QTMAN: variants seen among roughly 807,000 people sequenced by gnomAD.
QTMAN encodes the protein queuosine-tRNA mannosyltransferase.
chr2:144,270,930 AG>A, the QTMAN span, among the ~76,000 whole-genome samples: 1 of 152,218 alleles, frequency 6.6e-6, no homozygotes, highest in Non-Finnish European at 1.5e-5. Context: ...TAGGAAAGAG[AG>A]GTTTAAATAA....
the QTMAN span, among the ~76,000 whole-genome samples, chr2:144,325,496 T>C: frequency 1.3e-5 from 2 of 149,300 alleles, no homozygotes; most frequent in Non-Finnish European, 3.0e-5. Context: ...AGCTAACAGA[T>C]ATATAGAAAA....
At chr2:144,126,285 TAAA>T in the QTMAN span, among the ~76,000 whole-genome samples, 23 of 144,706 alleles carry the variant, frequency 1.6e-4, no homozygotes, top group Non-Finnish European at 2.6e-4. Flanking sequence ...CTTGTGAACT[TAAA>T]AAAAAAAACA....
At chr2:144,187,919 A>C in the QTMAN span, among the ~76,000 whole-genome samples, 4 of 152,182 alleles carry the variant, frequency 2.6e-5, no homozygotes, top group African/African-American at 7.2e-5. Context: ...TTTTCCTTAT[A>C]AAAAAGGACA....
the QTMAN span, among the ~76,000 whole-genome samples, chr2:144,097,240 G>A: frequency 5.9e-5 from 9 of 152,192 alleles, no homozygotes; most frequent in African/African-American, 1.9e-4. Context: ...CATTTACTTC[G>A]AATTCCAATA....
the QTMAN span, among the ~76,000 whole-genome samples, chr2:143,968,898 C>G: frequency 2.0e-5 from 3 of 152,130 alleles, no homozygotes; most frequent in Non-Finnish European, 4.4e-5. Flanking sequence ...TACTGTGATT[C>G]TGTCTACATA....
the QTMAN span, among the ~76,000 whole-genome samples, chr2:144,135,149 GTC>G: frequency 6.6e-6 from 1 of 152,154 alleles, no homozygotes; most frequent in African/African-American, 2.4e-5. Context: ...TTTGCTGTAA[GTC>G]TATAACACAT....
chr2:144,007,100 A>G, the QTMAN span: 65,522 of 849,530 alleles, frequency 0.077, 3,900 homozygotes, highest in East Asian at 0.26. Context: ...AATAAGAAGA[A>G]CAAATTATTA....
At chr2:144,054,404 CG>C in the QTMAN span, among the ~76,000 whole-genome samples, 3 of 152,048 alleles carry the variant, frequency 2.0e-5, no homozygotes, top group South Asian at 6.2e-4. Flanking sequence ...AGATACCTTG[CG>C]GATCATTTAG....
At chr2:144,273,995 G>T in the QTMAN span, among the ~76,000 whole-genome samples, 3 of 152,152 alleles carry the variant, frequency 2.0e-5, no homozygotes, top group Non-Finnish European at 4.4e-5. Flanking sequence ...TGAGCTGGGC[G>T]TGATGGCACG....
the QTMAN span, chr2:144,006,933 C>G: frequency 2.8e-6 from 1 of 354,534 alleles, no homozygotes; most frequent in South Asian, 7.9e-5. Flanking sequence ...GCTAGAAGTG[C>G]CTACCCACTA....
the QTMAN span, among the ~76,000 whole-genome samples, chr2:144,250,874 G>A: frequency 1.3e-5 from 2 of 151,270 alleles, no homozygotes; most frequent in Non-Finnish European, 2.9e-5. Context: ...CTTCAGAAAA[G>A]TAGTTATCTT....
At chr2:144,157,618 A>G in the QTMAN span, among the ~76,000 whole-genome samples, 1 of 152,042 alleles carries the variant, frequency 6.6e-6, no homozygotes, top group African/African-American at 2.4e-5. Context: ...AGATGAGCAG[A>G]ATGTCCAATT....
At chr2:144,073,765 G>T in the QTMAN span, among the ~76,000 whole-genome samples, 15 of 152,236 alleles carry the variant, frequency 9.9e-5, no homozygotes, top group Admixed American at 7.8e-4. Context: ...TATTTCCTTC[G>T]AATCATATCC....
chr2:144,318,304 T>A, the QTMAN span, among the ~76,000 whole-genome samples: 9 of 151,752 alleles, frequency 5.9e-5, no homozygotes, highest in African/African-American at 1.9e-4. Flanking sequence ...TCACAGTAAT[T>A]CCAAATTCAG....
the QTMAN span, among the ~76,000 whole-genome samples, chr2:144,040,619 T>A: frequency 6.6e-6 from 1 of 151,760 alleles, no homozygotes; most frequent in Non-Finnish European, 1.5e-5. Flanking sequence ...GAAAATCCAA[T>A]AACTGGAACG....
the QTMAN span, among the ~76,000 whole-genome samples, chr2:144,058,111 A>AC: frequency 4.0e-4 from 48 of 119,114 alleles, no homozygotes; most frequent in African/African-American, 1.5e-3. Flanking sequence ...GAAAGAAAGA[A>AC]CCCCCCTCCC....
At chr2:144,199,873 T>C in the QTMAN span, among the ~76,000 whole-genome samples, 43 of 152,306 alleles carry the variant, frequency 2.8e-4, 1 homozygote, top group East Asian at 8.3e-3. Context: ...TACTCAAAAG[T>C]TAATACTAAT....
the QTMAN span, among the ~76,000 whole-genome samples, chr2:144,043,339 T>TA: frequency 1.1e-4 from 16 of 151,984 alleles, no homozygotes; most frequent in South Asian, 2.1e-3. Context: ...ACAGGTCCTT[T>TA]AAAAATGTAG....
the QTMAN span, among the ~76,000 whole-genome samples, chr2:144,110,446 C>T: frequency 2.0e-4 from 31 of 151,946 alleles, no homozygotes; most frequent in African/African-American, 5.8e-4. Context: ...ATGTAAATGG[C>T]GAGTTAATAG....
Sources: allele counts gnomAD v4.1 joint callset (sites outside exome capture counted in the v4.1 genomes callset), GRCh38; gene constraint gnomAD v4.1.1; transcripts MANE v1.5; gene names NCBI Gene and HGNC (gene_info 2026-07-23, HGNC 2026-07-21).